Variants in LRMDA observed in about 807,000 individuals in gnomAD.
LRMDA encodes leucine-rich melanocyte differentiation-associated protein.
In LRMDA, 18 loss-of-function variants were observed where a neutral mutation model predicts 29.8. The observed-to-expected ratio is 0.60, with a 90% CI of 0.42 to 0.90. The LOEUF (loss-of-function observed/expected upper bound fraction) is 0.90, where lower values mean the gene tolerates loss of function less well. LRMDA is among the 40% of genes least tolerant of loss of function. The pLI, the probability that LRMDA is intolerant of heterozygous loss-of-function variation, is 0.00. For missense variants in LRMDA, 273 were observed against 273.9 expected, an observed-to-expected ratio of 1.00 and a Z score of 0.02; for synonymous variants, 125 against 109.4, an observed-to-expected ratio of 1.14 and a Z score of -0.89.
intron 2 of LRMDA, among the ~76,000 whole-genome samples, chr10:75,920,058 G>A (rs1846001768): frequency 6.6e-6 from 1 of 152,128 alleles, no homozygotes; most frequent in Non-Finnish European, 1.5e-5. Context: ...TTCTTCTGCA[G>A]CTGAACACTC....
At chr10:75,871,855 G>T (rs1227797660) in intron 2 of LRMDA, among the ~76,000 whole-genome samples, 2 of 152,150 alleles carry the variant, frequency 1.3e-5, no homozygotes, top group East Asian at 3.9e-4. Context: ...TTCCTTAAGG[G>T]CAGAGATTGT....
At chr10:75,775,649 G>A (rs775837966) in intron 2 of LRMDA, among the ~76,000 whole-genome samples, 2 of 152,240 alleles carry the variant, frequency 1.3e-5, no homozygotes, top group East Asian at 1.9e-4. Flanking sequence ...CTTGTGCGTG[G>A]GGAAACCTCC....
At chr10:75,536,254 A>G (rs1839942806) in intron 2 of LRMDA, among the ~76,000 whole-genome samples, 1 of 151,726 alleles carries the variant, frequency 6.6e-6, no homozygotes, top group African/African-American at 2.4e-5. Context: ...CAGAACAGCT[A>G]TTGTACTCGG....
chr10:76,113,787 AAG>A (rs1564656288), intron 5 of LRMDA, among the ~76,000 whole-genome samples: 2 of 152,190 alleles, frequency 1.3e-5, no homozygotes, highest in Non-Finnish European at 2.9e-5. Flanking sequence ...GTCCCTTCCA[AAG>A]AGAGCTGTCT....
chr10:76,271,372 C>T (rs1389447361), intron 5 of LRMDA, among the ~76,000 whole-genome samples: 1 of 151,854 alleles, frequency 6.6e-6, no homozygotes, highest in Non-Finnish European at 1.5e-5. Context: ...CATGCCACTG[C>T]ACTCCAGCCT....
rs373343746 is a variant in LRMDA, at chr10:76,133,713, G to A, written c.516+74930G>A. On this transcript the variant is annotated intron_variant, in intron 5 of 6. Transcript: ENST00000611255. ...CCTGCAGGGTTTGCATCAATTACTC[G>A]ACGACATGTGGAAAATGATTGATGA... 2.6e-5 allele frequency among the ~76,000 whole-genome samples: 4 copies of A among 152,180 alleles called. No homozygotes were observed. The East Asian group carries it at 5.8e-4, about 22-fold the overall frequency.
chr10:75,826,235 TGAA>T (rs1844244789), intron 2 of LRMDA, among the ~76,000 whole-genome samples: 1 of 152,158 alleles, frequency 6.6e-6, no homozygotes, highest in Non-Finnish European at 1.5e-5. Context: ...CTCCCAGAGA[TGAA>T]GAAGCTGGAG....
intron 4 of LRMDA, among the ~76,000 whole-genome samples, chr10:76,048,140 C>T (rs1848471144): frequency 6.6e-6 from 1 of 152,114 alleles, no homozygotes; most frequent in Admixed American, 6.5e-5. Context: ...ATTAAACACC[C>T]CACCTGAATC....
intron 6 of LRMDA, among the ~76,000 whole-genome samples, chr10:76,337,289 G>A (rs1840981630): frequency 6.6e-6 from 1 of 152,148 alleles, no homozygotes; most frequent in Admixed American, 6.5e-5. Flanking sequence ...GTCAGAGAGA[G>A]GATCTATAAC....
At chr10:76,255,213 A>G (rs778590844) in intron 5 of LRMDA, among the ~76,000 whole-genome samples, 19 of 152,200 alleles carry the variant, frequency 1.2e-4, no homozygotes, top group Non-Finnish European at 1.9e-4. Flanking sequence ...AAATAATTTT[A>G]TGGTGCAAAA....
chr10:75,684,400 T>G (rs1012286635), intron 2 of LRMDA, among the ~76,000 whole-genome samples: 2 of 152,184 alleles, frequency 1.3e-5, no homozygotes, highest in African/African-American at 2.4e-5. Context: ...AATGTCACCT[T>G]TGGGGCCATT....
chr10:76,470,698 TAGAG>T (rs1457647682), intron 6 of LRMDA, among the ~76,000 whole-genome samples: 1 of 151,908 alleles, frequency 6.6e-6, no homozygotes, highest in African/African-American at 2.4e-5. Context: ...GGCAAATACA[TAGAG>T]ACAGAAAGCA....
intron 5 of LRMDA, among the ~76,000 whole-genome samples, chr10:76,237,938 G>A (rs187262351): frequency 4.6e-5 from 7 of 151,918 alleles, no homozygotes; most frequent in African/African-American, 1.7e-4. Context: ...TTACAAGCAC[G>A]TGCCACCACG....
chr10:76,486,000 G>C (rs951153651), intron 6 of LRMDA, among the ~76,000 whole-genome samples: 2 of 151,780 alleles, frequency 1.3e-5, no homozygotes, highest in African/African-American at 4.8e-5. Flanking sequence ...TCCTTATTCA[G>C]TTATCCTGTT....
At chr10:75,642,851 T>G (rs1841471903) in intron 2 of LRMDA, 3 of 152,206 alleles carry the variant, frequency 2.0e-5, no homozygotes, top group Admixed American at 2.0e-4. Context: ...TCCCATGATC[T>G]TTTGCTGAAT....
rs190863563 is a variant in LRMDA, at chr10:75,582,296, C to T, written c.131+143802C>T. ...CTCCATCCCTGCAGCAGGCTTCTGCCTGGACATCCAGGCTTTTGCATATAT... is the reference window on the plus strand; with the variant it reads ...CTCCATCCCTGCAGCAGGCTTCTGCTTGGACATCCAGGCTTTTGCATATAT... On this transcript the variant is annotated intron_variant, in intron 2 of 6. Transcript: ENST00000611255. Among the ~76,000 whole-genome samples, 18 of 152,372 alleles carry T rather than the reference C, an allele frequency of 1.2e-4. No individual in the cohort carries two copies. The East Asian group carries it at 3.5e-3, about 29-fold the overall frequency.
intron 6 of LRMDA, among the ~76,000 whole-genome samples, chr10:76,431,040 T>C (rs1842185185): frequency 6.6e-6 from 1 of 152,208 alleles, no homozygotes; most frequent in African/African-American, 2.4e-5. Flanking sequence ...TATGCTGACA[T>C]TGAAATTTTA....
rs150462124 is a variant in LRMDA at position 76,229,584 on chromosome 10, G to A, written c.517-94817G>A. ...AGATGAGGGAACTTCAGAAAAAGCC[G>A]CCCTCTGTGCTTGGCAAGAGGTAGA... is the stretch of plus-strand genomic sequence containing the variant. On this transcript the variant is annotated intron_variant, in intron 5 of 6. Transcript: ENST00000611255. Among the ~76,000 whole-genome samples, 10 of 152,166 alleles carry A rather than the reference G, an allele frequency of 6.6e-5. No homozygotes were observed. The East Asian group carries it at 9.7e-4, about 15-fold the overall frequency.
chr10:76,423,264 G>A (rs1450562625), intron 6 of LRMDA, among the ~76,000 whole-genome samples: 1 of 152,130 alleles, frequency 6.6e-6, no homozygotes, highest in African/African-American at 2.4e-5. Context: ...GTGTGATGGT[G>A]CACACCTCAG....
Sources: allele counts gnomAD v4.1 joint callset (sites outside exome capture counted in the v4.1 genomes callset), GRCh38; gene constraint gnomAD v4.1.1; transcripts MANE v1.5; gene names NCBI Gene and HGNC (gene_info 2026-07-23, HGNC 2026-07-21).